The following DNAH5 variants were observed in gnomAD, a reference collection of about 807,000 sequenced individuals.
DNAH5 encodes axonemal beta dynein heavy chain 5.
In DNAH5, 372 loss-of-function variants were observed where a neutral mutation model predicts 518.2. That is an observed-to-expected ratio of 0.72 (90% CI 0.66 to 0.78). DNAH5 has a LOEUF of 0.78. Among genes scored for constraint, DNAH5 ranks in the 30% least tolerant of loss-of-function variants. DNAH5 has a pLI of 0.00. For synonymous variants in DNAH5, 2,039 were observed against 2,025.9 expected, an observed-to-expected ratio of 1.01 and a Z score of -0.17; for missense variants, 5,523 against 5,687.0, an observed-to-expected ratio of 0.97 and a Z score of 0.93.
chr5:13,745,453 G>A (rs1471083631), intron 65 of DNAH5, among the ~76,000 whole-genome samples: 5 of 151,994 alleles, frequency 3.3e-5, no homozygotes, highest in African/African-American at 4.8e-5. Flanking sequence ...GCATCCATAC[G>A]CTCTAAGGTT....
chr5:13,844,749 T>C, intron 32 of DNAH5, 88 bp downstream of exon 32: 2 of 1,564,946 alleles, frequency 1.3e-6, no homozygotes, highest in East Asian at 2.2e-5. Context: ...GCAACCCTTG[T>C]TATAAACCCG....
intron 38 of DNAH5, among the ~76,000 whole-genome samples, chr5:13,825,206 T>C (rs1762735669): frequency 6.6e-6 from 1 of 152,030 alleles, no homozygotes; most frequent in Non-Finnish European, 1.5e-5. Context: ...TAACCAAGTG[T>C]GGTGGTGTGC....
rs910986442 is a variant in DNAH5, at chr5:13,769,591, G to C, written c.9630C>G (p.Leu3210=). 4 of 1,613,884 alleles carry C rather than the reference G, an allele frequency of 2.5e-6. No homozygotes were observed. Among genetic ancestry groups the C allele is most frequent in the Admixed American group, 3.3e-5 (2 of 60,006 alleles). The change falls in exon 57 of 79, where the codon CTC becomes CTG. Residue 3210 remains leucine (L), a synonymous_variant. Coordinates refer to ENST00000265104, the MANE Select transcript of DNAH5 (RefSeq NM_001369.3). ...CTGCAACAGACTCTGAAGCTTCTTT[G>C]AGCTTTTCCAATCCAGTATTCATTC... ...ANRMNTGLEK[L]KEASESVAAL... is the part of the protein sequence containing the mutation.
At chr5:13,746,879 G>T (rs982034148) in intron 65 of DNAH5, among the ~76,000 whole-genome samples, 9 of 150,370 alleles carry the variant, frequency 6.0e-5, no homozygotes, top group East Asian at 5.9e-4. Context: ...TACTATCCTT[G>T]TTTTTTTTTA....
chr5:13,713,409 A>C, intron 75 of DNAH5, among the ~76,000 whole-genome samples: 1 of 107,812 alleles, frequency 9.3e-6, no homozygotes, highest in African/African-American at 3.5e-5. Context: ...ATATATATAC[A>C]CCGACATATA....
At position 13,717,333 on chromosome 5, in the gene DNAH5, A is replaced by G. The variant is rs1477263340; in HGVS notation, c.12687T>C (p.Asp4229=). 1 of 1,613,926 alleles carries G rather than the reference A, an allele frequency of 6.2e-7. No individual in the cohort carries two copies. Among genetic ancestry groups the G allele is most frequent in the Admixed American group, 1.7e-5 (1 of 60,012 alleles). Reference sequence around the variant, plus strand: ...GCAGTACCTTTTTGACATCCATGTCATCCAAGTGGTTTTGGATGAACTGCA... The same window carrying G: ...GCAGTACCTTTTTGACATCCATGTCGTCCAAGTGGTTTTGGATGAACTGCA... ...ATVQFIQNHL[D]DMDVKKGVSW... The change falls in exon 73 of 79, where the codon GAT becomes GAC. Residue 4229 remains aspartate (D), a synonymous_variant. Transcript: ENST00000265104.
chr5:13,778,588 AAGAAAGAAAGAG>A (rs1333427702), intron 53 of DNAH5, among the ~76,000 whole-genome samples: 51 of 73,486 alleles, frequency 6.9e-4, no homozygotes, highest in African/African-American at 2.7e-3. Flanking sequence ...GAAAGAAAGA[AAGAAAGAAAGAG>A]AGAGAGAAAG....
At chr5:13,862,780 T>C in intron 28 of DNAH5, 33 bp from the exon 29 acceptor site, 1 of 1,583,584 alleles carries the variant, frequency 6.3e-7, no homozygotes, top group Non-Finnish European at 8.6e-7. Flanking sequence ...TGTTATTGCA[T>C]GAAAGTCACA....
At position 13,830,170 on chromosome 5, in the gene DNAH5, G is replaced by A. The variant is rs1763448896; in HGVS notation, c.6105C>T (p.Asn2035=). 1.9e-5 allele frequency: 30 copies of A among 1,613,850 alleles called. No homozygotes were observed. The highest frequency in any genetic ancestry group is 2.5e-5 in the Non-Finnish European group (30 of 1,179,982). Residue 2035 remains asparagine (N), a synonymous_variant, in exon 37 of 79, where the codon AAC becomes AAT. Transcript: ENST00000265104. Reference sequence around the variant, plus strand: ...CCGAGAGAACTGGTAGATCAATACGGTTAAATTCATCAAAACAACCCCAGG... The same window carrying A: ...CCGAGAGAACTGGTAGATCAATACGATTAAATTCATCAAAACAACCCCAGG... The part of the protein sequence containing the change: ...SGSWGCFDEF[N]RIDLPVLSVA...
Position 13,766,146 on chromosome 5 carries a change from T to C in DNAH5, c.9931A>G (p.Thr3311Ala). The C allele has an allele frequency of 6.2e-7, 1 of 1,614,178 alleles. No homozygotes were observed. Reference protein sequence around the residue: ...IRPSDIATVRTLGRPPHLIMR... With the variant: ...IRPSDIATVRALGRPPHLIMR... ...ATGAGGTGAGGGGGGCGGCCCAACG[T>C]GCGAACAGTGGCGATGTCCGAAGGC... is the stretch of plus-strand genomic sequence containing the variant. The change falls in exon 59 of 79, where the codon ACG (threonine) becomes GCG (alanine). Residue 3311 changes from threonine to alanine, a missense_variant. This residue lies in a region of DNAH5 where 5,121 missense variants were observed against 5,223.3 expected (regional missense o/e 0.98). Transcript: ENST00000265104.
At chr5:13,959,308 G>A (rs943539054) in intron 1 of DNAH5, among the ~76,000 whole-genome samples, 1 of 152,180 alleles carries the variant, frequency 6.6e-6, no homozygotes, top group Non-Finnish European at 1.5e-5. Context: ...TGCAGATACA[G>A]GCCATTTTGA....
intron 1 of DNAH5, among the ~76,000 whole-genome samples, chr5:14,000,804 AG>A (rs1483758040): frequency 3.9e-5 from 6 of 152,210 alleles, no homozygotes; most frequent in African/African-American, 1.4e-4. Context: ...ACATACCCAA[AG>A]GAAAATACAT....
chr5:13,716,681 A>G lies in DNAH5; in HGVS notation c.12715T>C (p.Trp4239Arg). Residue 4239 changes from tryptophan (W) to arginine (R), a missense_variant, in exon 74 of 79, where the codon TGG becomes CGG. Physicochemically the swap from Trp to Arg is moderately radical, Grantham distance 101. Around this residue, in one of 3 missense-constraint regions of DNAH5, gnomAD observed 5,121 missense variants for 5,223.3 expected, o/e 0.98. Coordinates refer to ENST00000265104, the MANE Select transcript of DNAH5 (RefSeq NM_001369.3). The part of the protein sequence containing the change: ...DDMDVKKGVS[W>R]TTIRYMIGEI... ...CCTATCATGTAGCGGATGGTGGTCC[A>G]GGAGACACCCTGGGAAATTTTATAG... 1 of 1,612,264 alleles carries G rather than the reference A, an allele frequency of 6.2e-7. No individual in the cohort carries two copies. The highest frequency in any genetic ancestry group is 8.5e-7 in the Non-Finnish European group (1 of 1,178,466).
chr5:13,823,277 C>T lies in DNAH5; in HGVS notation c.6673G>A (p.Ala2225Thr), dbSNP rs780060717. 1 of 1,609,116 alleles carries T rather than the reference C, an allele frequency of 6.2e-7. No individual in the cohort carries two copies. Among genetic ancestry groups the T allele is most frequent in the South Asian group, 1.1e-5 (1 of 90,966 alleles). ...AAGCATATTACCTGTCTACTAATTGCTGCTTCCAGTTCAGGGTAACCTGCC... is the reference window on the plus strand; with the variant it reads ...AAGCATATTACCTGTCTACTAATTGTTGCTTCCAGTTCAGGGTAACCTGCC... ...DKAGYPELEA[A>T]ISRQVEEAGL... Residue 2225 changes from alanine to threonine, a missense_variant, in exon 40 of 79, where the codon GCA becomes ACA. Around this residue, in one of 3 missense-constraint regions of DNAH5, gnomAD observed 5,121 missense variants for 5,223.3 expected, o/e 0.98. Coordinates refer to ENST00000265104, the MANE Select transcript of DNAH5 (RefSeq NM_001369.3).
chr5:13,780,266 G>T (rs1021109270), intron 53 of DNAH5, among the ~76,000 whole-genome samples: 1 of 152,136 alleles, frequency 6.6e-6, no homozygotes, highest in Non-Finnish European at 1.5e-5. Context: ...ATAGGATTTG[G>T]TCTGCATGTA....
chr5:13,832,272 A>G (rs1346165593), intron 35 of DNAH5, among the ~76,000 whole-genome samples: 1 of 152,244 alleles, frequency 6.6e-6, no homozygotes, highest in Non-Finnish European at 1.5e-5. Context: ...CTGGGTTTAT[A>G]TTTAAACTGA....
At chr5:13,696,932 G>A (rs1741466850) in intron 78 of DNAH5, among the ~76,000 whole-genome samples, 1 of 152,090 alleles carries the variant, frequency 6.6e-6, no homozygotes, top group African/African-American at 2.4e-5. Context: ...CTAATACCCA[G>A]CAGGGTGGGT....
Position 13,716,676 on chromosome 5 carries a change from G to A in DNAH5, c.12720C>T (p.Thr4240=), listed in dbSNP as rs756222017. The change falls in exon 74 of 79, where the codon ACC becomes ACT. Residue 4240 remains threonine, a synonymous_variant. Coordinates refer to ENST00000265104, the MANE Select transcript of DNAH5 (RefSeq NM_001369.3). ...DMDVKKGVSW[T]TIRYMIGEIQ... ...TCTCTCCTATCATGTAGCGGATGGT[G>A]GTCCAGGAGACACCCTGGGAAATTT... 6.2e-7 allele frequency: 1 copy of A among 1,612,862 alleles called. No homozygotes were observed. Among genetic ancestry groups the A allele is most frequent in the Admixed American group, 1.7e-5 (1 of 60,014 alleles).
At chr5:13,995,279 A>G (rs1477059295) in intron 1 of DNAH5, among the ~76,000 whole-genome samples, 1 of 152,218 alleles carries the variant, frequency 6.6e-6, no homozygotes, top group Non-Finnish European at 1.5e-5. Context: ...ATTACAGACA[A>G]TGCCCTGATG....
Sources: allele counts gnomAD v4.1 joint callset (sites outside exome capture counted in the v4.1 genomes callset), GRCh38; gene constraint gnomAD v4.1.1; regional missense constraint gnomAD v4.1.1; transcripts MANE v1.5; gene names NCBI Gene and HGNC (gene_info 2026-07-23, HGNC 2026-07-21).